Variants in VSNL1 observed in about 807,000 individuals in gnomAD.
The protein encoded by VSNL1 is visinin-like protein 1.
Under a neutral mutation model 20.4 loss-of-function variants are expected in VSNL1, and 6 were observed. That is an observed-to-expected ratio of 0.29 (90% CI 0.16 to 0.58). The LOEUF (loss-of-function observed/expected upper bound fraction) is 0.58, where lower values mean the gene tolerates loss of function less well. VSNL1 is among the 20% of genes least tolerant of loss of function. VSNL1 has a pLI of 0.90. For synonymous variants in VSNL1, 93 were observed against 86.4 expected, an observed-to-expected ratio of 1.08 and a Z score of -0.42; for missense variants, 100 against 234.5, an observed-to-expected ratio of 0.43 and a Z score of 3.75.
At chr2:17,632,339 C>A (rs192103730) in intron 2 of VSNL1, among the ~76,000 whole-genome samples, 1 of 151,870 alleles carries the variant, frequency 6.6e-6, no homozygotes, top group African/African-American at 2.4e-5. Flanking sequence ...GTCTTGCTGT[C>A]GCCCAGGCTG....
chr2:17,577,589 CT>C (rs1254909903), intron 1 of VSNL1, among the ~76,000 whole-genome samples: 1 of 152,134 alleles, frequency 6.6e-6, no homozygotes, highest in Non-Finnish European at 1.5e-5. Context: ...TCTCTTGAGT[CT>C]TTGTTTCTCC....
chr2:17,571,688 A>T (rs986098135), intron 1 of VSNL1, among the ~76,000 whole-genome samples: 1 of 152,366 alleles, frequency 6.6e-6, no homozygotes, highest in Admixed American at 6.5e-5. Flanking sequence ...CTTACATTCT[A>T]GTGAAAGTAG....
At chr2:17,612,867 G>T (rs541532849) in intron 2 of VSNL1, among the ~76,000 whole-genome samples, 81 of 152,272 alleles carry the variant, frequency 5.3e-4, no homozygotes, top group East Asian at 5.8e-4. Flanking sequence ...CAAAGCCCTT[G>T]TCTGAGTCAG....
intron 3 of VSNL1, among the ~76,000 whole-genome samples, chr2:17,653,331 TA>T (rs1558313599): frequency 6.6e-6 from 1 of 152,218 alleles, no homozygotes. Context: ...CTGACTTTAT[TA>T]ATAGTGCACT....
At chr2:17,556,600 A>G (rs879744706) in intron 1 of VSNL1, among the ~76,000 whole-genome samples, 3 of 152,214 alleles carry the variant, frequency 2.0e-5, no homozygotes, top group Admixed American at 2.0e-4. Context: ...AGCGGGGGAT[A>G]GGGTAGATGT....
rs560542255 is a variant in VSNL1, at chr2:17,655,120, G to C, written c.379-77G>C. 5.5e-6 allele frequency: 8 copies of C among 1,464,812 alleles called. No homozygotes were observed. The South Asian group carries it at 7.4e-5, about 14-fold the overall frequency. 90.7% of individuals were successfully genotyped at this position (1,464,812 alleles called of 1,614,324 possible). A position where few individuals can be genotyped will look rare whatever the true frequency, so the allele number is the denominator to read the frequency against. The stretch of plus-strand genomic sequence containing the variant: ...TTGGAGGATGGGTGGGATCCCGTCA[G>C]GTGAAAGGGAGGCAAGAAGAGCTCT... On this transcript the variant is annotated intron_variant, in intron 3 of 3. Coordinates refer to ENST00000295156, the MANE Select transcript of VSNL1 (RefSeq NM_003385.5). The surrounding 1 kb of genome is among the most constrained non-coding windows in gnomAD (Gnocchi z 5.2).
intron 1 of VSNL1, among the ~76,000 whole-genome samples, chr2:17,570,338 C>G (rs937858513): frequency 6.6e-6 from 1 of 152,170 alleles, no homozygotes; most frequent in South Asian, 2.1e-4. Flanking sequence ...GGGCTACACA[C>G]CAGCCCTATA....
chr2:17,618,117 T>A (rs1665263414), intron 2 of VSNL1, among the ~76,000 whole-genome samples: 1 of 152,216 alleles, frequency 6.6e-6, no homozygotes, highest in Non-Finnish European at 1.5e-5. Flanking sequence ...GTGGTCAATG[T>A]TGCTGTCTGT....
At chr2:17,638,202 CT>C (rs1485760501) in intron 2 of VSNL1, among the ~76,000 whole-genome samples, 1 of 152,136 alleles carries the variant, frequency 6.6e-6, no homozygotes, top group African/African-American at 2.4e-5. Flanking sequence ...GTATGTGACC[CT>C]GGGCAGGTTA....
intron 2 of VSNL1, among the ~76,000 whole-genome samples, chr2:17,596,572 G>C (rs1296015958): frequency 6.6e-6 from 1 of 152,174 alleles, no homozygotes; most frequent in African/African-American, 2.4e-5. Context: ...ATTTTGCTTA[G>C]CCACTGTGAC....
chr2:17,593,246 A>G (rs921256602), intron 2 of VSNL1, among the ~76,000 whole-genome samples: 1 of 152,214 alleles, frequency 6.6e-6, no homozygotes, highest in Non-Finnish European at 1.5e-5. Context: ...TCATAGCTGC[A>G]CTATTCACAA....
At chr2:17,619,823 T>C (rs183082807) in intron 2 of VSNL1, among the ~76,000 whole-genome samples, 1 of 151,804 alleles carries the variant, frequency 6.6e-6, no homozygotes, top group Admixed American at 6.6e-5. Flanking sequence ...GGAATGGTAC[T>C]AGACACCGGG....
chr2:17,603,012 C>T (rs115310696), intron 2 of VSNL1, among the ~76,000 whole-genome samples: 70 of 152,250 alleles, frequency 4.6e-4, no homozygotes, highest in Non-Finnish European at 8.4e-4. Flanking sequence ...TACAAAGTAA[C>T]GTTTGCCCCA....
chr2:17,584,269 A>G (rs1425270134), intron 1 of VSNL1, among the ~76,000 whole-genome samples: 1 of 152,170 alleles, frequency 6.6e-6, no homozygotes, highest in African/African-American at 2.4e-5. Flanking sequence ...AGGGAAACTG[A>G]GTCTGAGTAG....
chr2:17,549,361 G>C (rs1663474043), intron 1 of VSNL1, among the ~76,000 whole-genome samples: 1 of 152,196 alleles, frequency 6.6e-6, no homozygotes, highest in Non-Finnish European at 1.5e-5. Flanking sequence ...GGCTGAGGTA[G>C]AGATGCACAT....
At chr2:17,625,212 C>T (rs904386739) in intron 2 of VSNL1, among the ~76,000 whole-genome samples, 12 of 152,206 alleles carry the variant, frequency 7.9e-5, no homozygotes, top group Admixed American at 2.0e-4. Flanking sequence ...TCCCCAGCCA[C>T]GTGGAACTCT....
intron 2 of VSNL1, among the ~76,000 whole-genome samples, chr2:17,593,753 A>G (rs1194482696): frequency 1.3e-5 from 2 of 152,244 alleles, no homozygotes; most frequent in East Asian, 3.8e-4. Context: ...GAGAAAGTGC[A>G]TCTATTACTC....
intron 1 of VSNL1, chr2:17,546,088 G>A (rs1360200016): frequency 6.6e-6 from 1 of 151,904 alleles, no homozygotes; most frequent in African/African-American, 2.4e-5. Context: ...CATTCACCAA[G>A]TGGTCTTCAA....
intron 2 of VSNL1, among the ~76,000 whole-genome samples, chr2:17,609,692 G>A (rs1665038172): frequency 6.6e-6 from 1 of 152,224 alleles, no homozygotes; most frequent in African/African-American, 2.4e-5. Context: ...GGACCTGACA[G>A]CTTCCCCAGG....
Sources: allele counts gnomAD v4.1 joint callset (sites outside exome capture counted in the v4.1 genomes callset), GRCh38; gene constraint gnomAD v4.1.1; non-coding constraint Gnocchi (gnomAD v3.1); transcripts MANE v1.5; gene names NCBI Gene and HGNC (gene_info 2026-07-23, HGNC 2026-07-21).